Variants in ADGRG7 observed in about 807,000 individuals in gnomAD.
The protein encoded by ADGRG7 is adhesion G protein-coupled receptor G7.
A neutral mutation model predicts 88.6 loss-of-function variants in ADGRG7; 82 were observed. That is an observed-to-expected ratio of 0.93 (90% CI 0.77 to 1.11). ADGRG7 has a LOEUF of 1.11. Ranked by LOEUF, ADGRG7 falls within the 50% of genes most tolerant of loss-of-function variation. The probability of loss-of-function intolerance (pLI) is 0.00; values close to 1 mark genes in which losing one functional copy is unlikely to be tolerated. For missense variants in ADGRG7, 945 were observed against 953.4 expected (o/e 0.99, Z 0.12); for synonymous variants, 381 against 345.2 (o/e 1.10, Z -1.15).
intron 6 of ADGRG7, among the ~76,000 whole-genome samples, chr3:100,638,385 C>T (rs1252817876): frequency 6.6e-6 from 1 of 152,182 alleles, no homozygotes; most frequent in African/African-American, 2.4e-5. Flanking sequence ...AGCCTCTCTC[C>T]TTCAAAGTCA....
intron 9 of ADGRG7, 188 bp downstream of exon 9, chr3:100,646,296 T>A: frequency 1.6e-6 from 1 of 622,150 alleles, no homozygotes; most frequent in Non-Finnish European, 2.7e-6. Context: ...ATATGTTGAA[T>A]AAAAGAAATC....
intron 1 of ADGRG7, among the ~76,000 whole-genome samples, chr3:100,616,316 T>C (rs952746060): frequency 4.6e-5 from 7 of 151,982 alleles, no homozygotes; most frequent in African/African-American, 1.2e-4. Context: ...CCTCCCAGAA[T>C]TGGATATAAC....
At chr3:100,660,074 A>G (rs2094943213) in intron 14 of ADGRG7, among the ~76,000 whole-genome samples, 1 of 152,256 alleles carries the variant, frequency 6.6e-6, no homozygotes, top group South Asian at 2.1e-4. Flanking sequence ...CTGTGGATTC[A>G]ACAAAGTGAG....
In ADGRG7 at chr3:100,664,324, C is replaced by T. The variant is rs150309635; in HGVS notation, c.1979+4481C>T. On this transcript the variant is annotated intron_variant, in intron 14 of 15. Transcript: ENST00000273352. ...ATAAATGAAGTGTTATTAACCTAGA[C>T]GCAAAACTGTTTAGAAATGACGTAA... 1.1e-4 allele frequency among the ~76,000 whole-genome samples: 17 copies of T among 152,148 alleles called. No homozygotes were observed. In the East Asian group the frequency reaches 1.7e-3, roughly 16 times the overall value.
chr3:100,617,618 TG>T (rs1377465621), intron 1 of ADGRG7, among the ~76,000 whole-genome samples: 1 of 152,328 alleles, frequency 6.6e-6, no homozygotes, highest in East Asian at 1.9e-4. Context: ...CTATCATTGT[TG>T]GACATTTGGG....
intron 15 of ADGRG7, among the ~76,000 whole-genome samples, chr3:100,689,847 T>C (rs752959920): frequency 1.1e-4 from 17 of 152,202 alleles, no homozygotes; most frequent in Non-Finnish European, 1.3e-4. Flanking sequence ...TTGACCATTA[T>C]GTGTCTTGGA....
At chr3:100,652,408 C>G (rs1450124830) in intron 11 of ADGRG7, among the ~76,000 whole-genome samples, 1 of 152,078 alleles carries the variant, frequency 6.6e-6, no homozygotes. Flanking sequence ...AAGGTTAGAA[C>G]TTTAGGCATA....
chr3:100,672,230 C>A (rs1336963776), intron 15 of ADGRG7, among the ~76,000 whole-genome samples: 1 of 152,036 alleles, frequency 6.6e-6, no homozygotes. Context: ...CTCTTATTTC[C>A]TTGAGCAGTA....
At chr3:100,651,992 G>A (rs2094929858) in intron 11 of ADGRG7, among the ~76,000 whole-genome samples, 1 of 152,110 alleles carries the variant, frequency 6.6e-6, no homozygotes, top group African/African-American at 2.4e-5. Flanking sequence ...GGTTTGTTGT[G>A]ATGCAATCTC....
intron 4 of ADGRG7, among the ~76,000 whole-genome samples, chr3:100,634,958 G>C (rs1203265999): frequency 6.6e-6 from 1 of 151,498 alleles, no homozygotes; most frequent in Non-Finnish European, 1.5e-5. Flanking sequence ...CTATAACACT[G>C]GTATAATTTG....
At chr3:100,631,598 C>G (rs1707460089) in intron 3 of ADGRG7, among the ~76,000 whole-genome samples, 1 of 152,132 alleles carries the variant, frequency 6.6e-6, no homozygotes, top group African/African-American at 2.4e-5. Context: ...TCCTATGGAA[C>G]TAGATATCTC....
intron 15 of ADGRG7, among the ~76,000 whole-genome samples, chr3:100,687,306 A>G (rs2094984427): frequency 6.6e-6 from 1 of 152,184 alleles, no homozygotes. Context: ...TAGATATACA[A>G]TCATGTCATC....
intron 1 of ADGRG7, among the ~76,000 whole-genome samples, chr3:100,621,392 T>A (rs918816724): frequency 6.6e-6 from 1 of 152,160 alleles, no homozygotes; most frequent in Non-Finnish European, 1.5e-5. Flanking sequence ...TTCAAGGAAA[T>A]TAAAAATGCT....
At chr3:100,687,777 G>C (rs568068967) in intron 15 of ADGRG7, among the ~76,000 whole-genome samples, 2 of 152,196 alleles carry the variant, frequency 1.3e-5, no homozygotes, top group Non-Finnish European at 2.9e-5. Flanking sequence ...GATTCGGTTT[G>C]CCAGTATTTT....
chr3:100,692,659 C>T (rs2094995913), intron 15 of ADGRG7, among the ~76,000 whole-genome samples: 1 of 152,136 alleles, frequency 6.6e-6, no homozygotes, highest in African/African-American at 2.4e-5. Context: ...CCATTGATTC[C>T]TATGATTATA....
intron 15 of ADGRG7, among the ~76,000 whole-genome samples, chr3:100,670,423 T>TA (rs551490050): frequency 1.6e-4 from 25 of 152,364 alleles, no homozygotes; most frequent in Admixed American, 3.9e-4. Context: ...GATGGATACT[T>TA]ACTTTGCTTC....
chr3:100,611,291 CCTTCCTTCCTTT>C (rs796171958), intron 1 of ADGRG7, among the ~76,000 whole-genome samples: 2,113 of 145,454 alleles, frequency 0.015, 67 homozygotes, highest in African/African-American at 0.048. Flanking sequence ...TTCCTTCCTT[CCTTCCTTCCTTT>C]CTTCTTTCCT....
chr3:100,683,736 C>A (rs1274840364), intron 15 of ADGRG7, among the ~76,000 whole-genome samples: 1 of 152,212 alleles, frequency 6.6e-6, no homozygotes, highest in Non-Finnish European at 1.5e-5. Flanking sequence ...CCACTGGCCA[C>A]ATAGATTTCT....
chr3:100,614,132 G>A (rs567765833), intron 1 of ADGRG7, among the ~76,000 whole-genome samples: 2 of 152,288 alleles, frequency 1.3e-5, no homozygotes, highest in African/African-American at 2.4e-5. Flanking sequence ...TCAGTGCAGA[G>A]CATAGTTTTC....
Sources: gnomAD v4.1 joint callset for allele counts (sites outside exome capture counted in the v4.1 genomes callset) on GRCh38, gnomAD v4.1.1 for gene constraint, MANE v1.5 for transcripts, NCBI Gene and HGNC (gene_info 2026-07-23, HGNC 2026-07-21) for gene names.